Variants in BRDT observed in about 807,000 individuals in gnomAD.
BRDT encodes bromodomain testis-specific protein.
Under a neutral mutation model 113.9 loss-of-function variants are expected in BRDT, and 77 were observed. The observed-to-expected ratio is 0.68, with a 90% CI of 0.56 to 0.82. The LOEUF (loss-of-function observed/expected upper bound fraction) is 0.82. Ranked by LOEUF, BRDT falls within the 40% of genes least tolerant of loss-of-function variation. The pLI is 0.00. For synonymous variants in BRDT, 358 were observed against 366.5 expected (o/e 0.98, Z 0.26); for missense variants, 1,027 against 1,105.4 (o/e 0.93, Z 1.01).
At chr1:91,992,539 TTTG>T (rs564867837) in intron 14 of BRDT, among the ~76,000 whole-genome samples, 3 of 152,006 alleles carry the variant, frequency 2.0e-5, no homozygotes, top group South Asian at 2.1e-4. Flanking sequence ...ATATATATAT[TTTG>T]TTGTTGTTGT....
At chr1:91,970,102 T>A (rs1188581714) in intron 4 of BRDT, among the ~76,000 whole-genome samples, 2 of 152,134 alleles carry the variant, frequency 1.3e-5, no homozygotes, top group African/African-American at 2.4e-5. Flanking sequence ...AGTGCTGTGA[T>A]TACAGGCATG....
chr1:91,986,961 A>T (rs1404484453), intron 12 of BRDT, among the ~76,000 whole-genome samples: 7 of 149,294 alleles, frequency 4.7e-5, no homozygotes, highest in South Asian at 4.2e-4. Context: ...TTTTTTGGAG[A>T]CAGAGTCTCA....
rs542880950 is a variant in BRDT, at chr1:92,004,596, A to C, written c.2571A>C (p.Leu857=). 309 of 1,607,684 alleles carry C rather than the reference A, an allele frequency of 1.9e-4. 3 individuals carry two copies. In the Middle Eastern group the frequency reaches 0.011, roughly 59 times the overall value. Residue 857 remains leucine (L), a synonymous_variant, in exon 17 of 19, where the codon CTA becomes CTC. Coordinates refer to ENST00000399546, the MANE Select transcript of BRDT (RefSeq NM_207189.4). ...ATTTGGAACAAAATACAAAGGAACTAAAAGCATCTCAAGAAAATCAGAGGT... is the reference window on the plus strand; with the variant it reads ...ATTTGGAACAAAATACAAAGGAACTCAAAGCATCTCAAGAAAATCAGAGGT... ...RKHLEQNTKE[L]KASQENQRDL...
intron 1 of BRDT, among the ~76,000 whole-genome samples, chr1:91,958,040 A>G (rs979842075): frequency 3.3e-5 from 5 of 152,016 alleles, no homozygotes; most frequent in Non-Finnish European, 5.9e-5. Flanking sequence ...GGGAAGTCTC[A>G]CCATGTTGGC....
chr1:91,981,729 CT>C lies in BRDT; in HGVS notation c.1978del (p.Ser660GlnfsTer17). ...GAAAGTAGCAGCAGTGACTTAAGCT[CT>C]TCAGACAGCAGTGATTCTGAATCAG... is the stretch of plus-strand genomic sequence containing the variant. ...ESESSSSDLS[S>X]SDSSDSESEM... On this transcript the variant is annotated frameshift_variant, in exon 12 of 19. Transcript: ENST00000399546. LOFTEE classifies it high-confidence loss of function. 3.7e-6 allele frequency: 6 copies of C among 1,613,858 alleles called. No individual in the cohort carries two copies. The highest frequency in any genetic ancestry group is 5.1e-6 in the Non-Finnish European group (6 of 1,179,882).
chr1:91,976,907 G>C, intron 5 of BRDT, 136 bp from the exon 6 acceptor site: 1 of 671,324 alleles, frequency 1.5e-6, no homozygotes, highest in South Asian at 2.7e-5. Context: ...TACATGGATT[G>C]ACAACAATAT....
chr1:91,975,400 A>G (rs1338667404), intron 4 of BRDT, among the ~76,000 whole-genome samples: 1 of 152,214 alleles, frequency 6.6e-6, no homozygotes, highest in Non-Finnish European at 1.5e-5. Context: ...ATTACAAGCC[A>G]TCACTGATTT....
intron 1 of BRDT, 31 bp from the exon 2 acceptor site, chr1:91,962,687 G>T (rs1001582009): frequency 7.7e-7 from 1 of 1,307,078 alleles, no homozygotes; most frequent in East Asian, 2.5e-5. Context: ...TTCCTAAAGT[G>T]CTTCTGAAGT....
Position 92,002,105 on chromosome 1 carries a change from GAC to G in BRDT, c.2348_2349del (p.Thr783AsnfsTer6), listed in dbSNP as rs1483697833. 1.9e-6 allele frequency: 3 copies of G among 1,613,816 alleles called. No individual in the cohort carries two copies. The highest frequency in any genetic ancestry group is 2.5e-6 in the Non-Finnish European group (3 of 1,179,914). On this transcript the variant is annotated frameshift_variant, in exon 16 of 19. Coordinates refer to ENST00000399546, the MANE Select transcript of BRDT (RefSeq NM_207189.4). LOFTEE classifies it high-confidence loss of function. ...ITVMHPSGDSDTTMLESECQA... is the reference protein window; with the variant it reads ...ITVMHPSGDSXTTMLESECQA... Reference sequence around the variant, plus strand: ...TGTGATGCATCCATCTGGTGATAGTGACACAACGATGTTAGAATCTGAATGTC... The same window carrying G: ...TGTGATGCATCCATCTGGTGATAGTGACAACGATGTTAGAATCTGAATGTC...
chr1:91,976,623 C>G (rs1280232260), intron 5 of BRDT, among the ~76,000 whole-genome samples, 185 bp downstream of exon 5: 2 of 151,984 alleles, frequency 1.3e-5, no homozygotes, highest in Admixed American at 6.6e-5. Flanking sequence ...AAGAGGCTAG[C>G]CAAATTTTAG....
At position 91,977,310 on chromosome 1, in the gene BRDT, T is replaced by TG; in HGVS notation, c.886_887insG (p.Tyr296Ter). 1.9e-6 allele frequency: 3 copies of TG among 1,614,070 alleles called. No individual in the cohort carries two copies. The highest frequency in any genetic ancestry group is 2.5e-6 in the Non-Finnish European group (3 of 1,179,998). ...KKHFSYAWPFYNPVDVNALGL... is the reference protein window; with the variant it reads ...KKHFSYAWPF ...ACATTTTTCATATGCATGGCCCTTT[T>TG]ATAATCCTGTTGACGTTAATGCTTT... The change falls in exon 6 of 19, where the codon TAT (tyrosine) becomes TGAT (stop). Residue 296 changes from tyrosine (Y) to a stop codon, truncating the protein, a stop_gained and frameshift_variant. Coordinates refer to ENST00000399546, the MANE Select transcript of BRDT (RefSeq NM_207189.4). LOFTEE classifies it high-confidence loss of function.
chr1:91,964,835 G>A, intron 3 of BRDT, 71 bp downstream of exon 3: 1 of 1,116,672 alleles, frequency 9.0e-7, no homozygotes, highest in South Asian at 2.9e-5. Context: ...ATAAAATCAT[G>A]TGATCATTTC....
intron 4 of BRDT, among the ~76,000 whole-genome samples, chr1:91,970,100 G>T (rs1332526025): frequency 6.6e-6 from 1 of 151,978 alleles, no homozygotes; most frequent in Non-Finnish European, 1.5e-5. Flanking sequence ...AAAGTGCTGT[G>T]ATTACAGGCA....
At position 91,977,099 on chromosome 1, in the gene BRDT, T is replaced by G; in HGVS notation, c.675T>G (p.Val225=). ...ADTTTPATSA[V]KASSEFSPTF... is the part of the protein sequence containing the mutation. ...CAACAACTCCTGCAACTTCAGCAGT[T>G]AAAGCAAGTAGTGAATTTTCTCCAA... Residue 225 remains valine (V), a synonymous_variant, in exon 6 of 19, where the codon GTT becomes GTG. Coordinates refer to ENST00000399546, the MANE Select transcript of BRDT (RefSeq NM_207189.4). The G allele has an allele frequency of 6.2e-7, 1 of 1,613,444 alleles. No homozygotes were observed. Among genetic ancestry groups the G allele is most frequent in the South Asian group, 1.1e-5 (1 of 90,870 alleles).
At chr1:91,985,101 A>G (rs1685084627) in intron 12 of BRDT, among the ~76,000 whole-genome samples, 1 of 152,042 alleles carries the variant, frequency 6.6e-6, no homozygotes, top group South Asian at 2.1e-4. Flanking sequence ...TTGTGTTTTG[A>G]GACGGAGTCT....
chr1:91,971,673 A>T (rs1038400876), intron 4 of BRDT, among the ~76,000 whole-genome samples: 1 of 152,218 alleles, frequency 6.6e-6, no homozygotes, highest in East Asian at 1.9e-4. Flanking sequence ...CCATCTTGGA[A>T]TTAATATTCT....
intron 7 of BRDT, among the ~76,000 whole-genome samples, chr1:91,978,991 A>G (rs1422838585): frequency 3.6e-5 from 3 of 83,152 alleles, no homozygotes; most frequent in African/African-American, 3.9e-5. Context: ...GAGCGAGACT[A>G]CGTCTCAAAA....
chr1:91,981,839 GTTAC>G (rs1187901530), intron 12 of BRDT, 84 bp downstream of exon 12: 169 of 1,426,708 alleles, frequency 1.2e-4, no homozygotes, highest in Non-Finnish European at 1.5e-4. Flanking sequence ...AGAAATATTT[GTTAC>G]TTACCCAGAA....
intron 12 of BRDT, among the ~76,000 whole-genome samples, chr1:91,988,083 G>T (rs979059353): frequency 6.6e-6 from 1 of 151,974 alleles, no homozygotes; most frequent in Non-Finnish European, 1.5e-5. Context: ...TCCTGACCTG[G>T]TGATCCACCC....
Sources: allele counts gnomAD v4.1 joint callset (sites outside exome capture counted in the v4.1 genomes callset), GRCh38; gene constraint gnomAD v4.1.1; transcripts MANE v1.5; gene names NCBI Gene and HGNC (gene_info 2026-07-23, HGNC 2026-07-21).